SLX4IP: variants seen among roughly 807,000 people sequenced by gnomAD.
The protein encoded by SLX4IP is SLX4 interacting protein.
A neutral mutation model predicts 32.9 loss-of-function variants in SLX4IP; 34 were observed. The ratio of observed to expected loss-of-function variants is 1.03; its 90% CI spans 0.79 to 1.38. The LOEUF (loss-of-function observed/expected upper bound fraction) is 1.38. Ranked by LOEUF, SLX4IP falls within the 40% of genes most tolerant of loss-of-function variation. The pLI is 0.00. For missense variants in SLX4IP, 444 were observed against 479.0 expected (o/e 0.93, Z 0.68); for synonymous variants, 172 against 171.7 (o/e 1.00, Z -0.01).
chr20:10,463,404 G>C (rs2065354407), intron 2 of SLX4IP, among the ~76,000 whole-genome samples: 1 of 152,126 alleles, frequency 6.6e-6, no homozygotes, highest in African/African-American at 2.4e-5. Context: ...CTTGTGCTTT[G>C]GGAGAGATAA....
At chr20:10,456,479 T>TTCTG (rs2065286576) in intron 1 of SLX4IP, among the ~76,000 whole-genome samples, 3 of 152,124 alleles carry the variant, frequency 2.0e-5, no homozygotes, top group African/African-American at 7.2e-5. Context: ...GTAGCTGGGA[T>TTCTG]TACAGGTGCA....
chr20:10,468,177 T>C (rs982362373), intron 2 of SLX4IP, among the ~76,000 whole-genome samples: 3 of 152,194 alleles, frequency 2.0e-5, no homozygotes, highest in Non-Finnish European at 4.4e-5. Flanking sequence ...TGCCAAATGA[T>C]GTCTCGTCCT....
At chr20:10,586,312 G>A (rs1160057214) in intron 4 of SLX4IP, among the ~76,000 whole-genome samples, 7 of 152,208 alleles carry the variant, frequency 4.6e-5, no homozygotes, top group East Asian at 1.9e-4. Context: ...AGCAGTATGG[G>A]CAGGGGGCTT....
intron 2 of SLX4IP, among the ~76,000 whole-genome samples, chr20:10,496,030 G>C (rs2065664916): frequency 6.9e-6 from 1 of 144,388 alleles, no homozygotes; most frequent in Admixed American, 6.8e-5. Context: ...GTTGTTGTTT[G>C]GTTGATTTTT....
At chr20:10,495,696 C>T (rs552487015) in intron 2 of SLX4IP, among the ~76,000 whole-genome samples, 4 of 152,202 alleles carry the variant, frequency 2.6e-5, no homozygotes, top group South Asian at 2.1e-4. Flanking sequence ...ATAGATTTTT[C>T]TATGTATATT....
At chr20:10,606,117 TA>T (rs1369952815) in intron 6 of SLX4IP, among the ~76,000 whole-genome samples, 1 of 152,192 alleles carries the variant, frequency 6.6e-6, no homozygotes, top group Admixed American at 6.5e-5. Flanking sequence ...AATAAAACTG[TA>T]GCTAAATAAA....
At chr20:10,573,864 G>A (rs2122517493) in intron 4 of SLX4IP, among the ~76,000 whole-genome samples, 1 of 152,122 alleles carries the variant, frequency 6.6e-6, no homozygotes, top group South Asian at 2.1e-4. Context: ...ACATTTTATA[G>A]GCTTTTATCC....
At chr20:10,458,144 A>G (rs1568690039) in intron 1 of SLX4IP, 32 bp from the exon 2 acceptor site, 2 of 1,400,900 alleles carry the variant, frequency 1.4e-6, no homozygotes, top group Admixed American at 2.5e-5. Context: ...AAATTTTAAT[A>G]TACCTAATTG....
intron 2 of SLX4IP, among the ~76,000 whole-genome samples, chr20:10,466,189 A>G (rs1223873035): frequency 6.6e-6 from 1 of 152,232 alleles, no homozygotes; most frequent in African/African-American, 2.4e-5. Context: ...AGGAAAGTTT[A>G]TGTGTCCACC....
intron 2 of SLX4IP, among the ~76,000 whole-genome samples, chr20:10,484,535 A>G (rs538286657): frequency 1.3e-5 from 2 of 152,212 alleles, no homozygotes; most frequent in South Asian, 4.2e-4. Flanking sequence ...TCTGCTTGTC[A>G]CTGTGTGAGG....
At chr20:10,563,830 CAGGT>C (rs538995967) in intron 4 of SLX4IP, among the ~76,000 whole-genome samples, 4 of 152,154 alleles carry the variant, frequency 2.6e-5, no homozygotes, top group Non-Finnish European at 5.9e-5. Context: ...ATTTTGAAAT[CAGGT>C]AGTATGATGT....
At chr20:10,561,549 T>TA (rs1555815732) in intron 4 of SLX4IP, among the ~76,000 whole-genome samples, 2 of 150,716 alleles carry the variant, frequency 1.3e-5, no homozygotes, top group African/African-American at 4.9e-5. Flanking sequence ...TTTTTTCTTT[T>TA]TTTTTTTTTG....
intron 2 of SLX4IP, among the ~76,000 whole-genome samples, chr20:10,510,883 C>T (rs1239790705): frequency 2.0e-5 from 3 of 152,160 alleles, no homozygotes; most frequent in East Asian, 1.9e-4. Flanking sequence ...GGATTACAGG[C>T]GTGAGCCATC....
intron 2 of SLX4IP, among the ~76,000 whole-genome samples, chr20:10,515,566 G>T (rs571459242): frequency 1.6e-4 from 25 of 152,282 alleles, no homozygotes; most frequent in African/African-American, 5.3e-4. Context: ...CTCCAAATGA[G>T]ATCCAGTCAA....
intron 2 of SLX4IP, among the ~76,000 whole-genome samples, chr20:10,538,033 T>C (rs1431621720): frequency 6.6e-6 from 1 of 152,196 alleles, no homozygotes; most frequent in Non-Finnish European, 1.5e-5. Context: ...TAGAATTCTT[T>C]CTGTGACCAA....
At position 10,623,038 on chromosome 20, in the gene SLX4IP, C is replaced by T. The variant is rs754566489; in HGVS notation, c.886C>T (p.Arg296Cys). Residue 296 changes from arginine to cysteine, a missense_variant, in exon 8 of 8, where the codon CGC becomes TGC. Arg to Cys is a radical substitution (Grantham distance 180, BLOSUM62 -3). Coordinates refer to ENST00000334534, the MANE Select transcript of SLX4IP (RefSeq NM_001009608.3). The part of the protein sequence containing the change: ...SPRVAKTQQK[R>C]RNCSSAEDFD... ...ACGAGTGGCCAAAACCCAACAGAAA[C>T]GCAGGAACTGCAGCTCTGCGGAAGA... The T allele has an allele frequency of 3.4e-5, 55 of 1,613,988 alleles. No homozygotes were observed. Among genetic ancestry groups the T allele is most frequent in the Admixed American group, 1.3e-4 (8 of 60,002 alleles).
At chr20:10,479,944 C>CAGTG (rs1568701036) in intron 2 of SLX4IP, among the ~76,000 whole-genome samples, 1 of 152,024 alleles carries the variant, frequency 6.6e-6, no homozygotes, top group Non-Finnish European at 1.5e-5. Flanking sequence ...TCAGAGGTTG[C>CAGTG]AGTGAGCCAA....
At chr20:10,519,520 G>T (rs1447398350) in intron 2 of SLX4IP, among the ~76,000 whole-genome samples, 3 of 152,150 alleles carry the variant, frequency 2.0e-5, no homozygotes, top group Non-Finnish European at 2.9e-5. Flanking sequence ...TGTTTTCAAG[G>T]TTCAACCATG....
chr20:10,528,808 A>G (rs896590469), intron 2 of SLX4IP, among the ~76,000 whole-genome samples: 5 of 152,208 alleles, frequency 3.3e-5, no homozygotes, highest in African/African-American at 9.6e-5. Context: ...CCTGGGCTCA[A>G]CATACCTGTG....
Sources: allele counts gnomAD v4.1 joint callset (sites outside exome capture counted in the v4.1 genomes callset), GRCh38; gene constraint gnomAD v4.1.1; transcripts MANE v1.5; gene names NCBI Gene and HGNC (gene_info 2026-07-23, HGNC 2026-07-21).